The following PCBD2 variants were observed in gnomAD, a reference collection of about 807,000 sequenced individuals.
PCBD2 encodes the protein pterin-4 alpha-carbinolamine dehydratase 2, also known as pterin-4-alpha-carbinolamine dehydratase 2.
Under a neutral mutation model 16.4 loss-of-function variants are expected in PCBD2, and 12 were observed. The observed-to-expected ratio is 0.73, with a 90% CI of 0.47 to 1.19. The LOEUF (loss-of-function observed/expected upper bound fraction) is 1.19, where lower values mean the gene tolerates loss of function less well. Ranked by LOEUF, PCBD2 falls within the 50% of genes most tolerant of loss-of-function variation. The pLI, the probability that PCBD2 is intolerant of heterozygous loss-of-function variation, is 0.00. For synonymous variants in PCBD2, 58 were observed against 61.8 expected (o/e 0.94, Z 0.29); for missense variants, 138 against 156.8 (o/e 0.88, Z 0.64).
chr5:134,923,725 A>G lies in PCBD2; in HGVS notation c.216+13259A>G, dbSNP rs1750938975. On this transcript the variant is annotated intron_variant, in intron 2 of 3. Coordinates refer to ENST00000254908, the MANE Select transcript of PCBD2 (RefSeq NM_032151.5). ...ATGCCAATGTTTCAGGTTTCTAGGTAAAGAAATGAGCCGTAATATAGGCCT... is the reference window on the plus strand; with the variant it reads ...ATGCCAATGTTTCAGGTTTCTAGGTGAAGAAATGAGCCGTAATATAGGCCT... The G allele has an allele frequency of 7.7e-6, 3 of 388,696 alleles. No individual in the cohort carries two copies. In the South Asian group the frequency reaches 4.1e-4, roughly 53 times the overall value. The allele number at this position is 388,696 out of a possible 1,614,324, so 24.1% of individuals were successfully genotyped here. A position where few individuals can be genotyped will look rare whatever the true frequency, so the allele number is the denominator to read the frequency against.
At chr5:134,946,412 A>G (rs748707774) in intron 2 of PCBD2, among the ~76,000 whole-genome samples, 5 of 152,144 alleles carry the variant, frequency 3.3e-5, no homozygotes, top group African/African-American at 1.2e-4. Flanking sequence ...TTTTTCTTCC[A>G]TGGACACATT....
At chr5:134,955,453 A>G (rs916191626) in intron 2 of PCBD2, among the ~76,000 whole-genome samples, 1 of 151,648 alleles carries the variant, frequency 6.6e-6, no homozygotes, top group South Asian at 2.1e-4. Context: ...GACTACAGGC[A>G]CACGCCACCA....
chr5:134,958,093 T>C (rs1459005568), intron 2 of PCBD2, among the ~76,000 whole-genome samples: 1 of 152,188 alleles, frequency 6.6e-6, no homozygotes, highest in Admixed American at 6.5e-5. Flanking sequence ...TACGTGGGTG[T>C]AATGGGTATT....
chr5:134,907,981 G>A (rs1339304360), intron 1 of PCBD2, among the ~76,000 whole-genome samples: 1 of 150,122 alleles, frequency 6.7e-6, no homozygotes, highest in African/African-American at 2.5e-5. Flanking sequence ...GAATGCAGTG[G>A]TGATCATAGC....
intron 2 of PCBD2, among the ~76,000 whole-genome samples, chr5:134,935,863 G>A (rs999055656): frequency 2.0e-5 from 3 of 152,234 alleles, no homozygotes; most frequent in Non-Finnish European, 4.4e-5. Flanking sequence ...GGCAGCGTGC[G>A]TAGCCCTGAG....
At chr5:134,943,415 T>C (rs1338426981) in intron 2 of PCBD2, among the ~76,000 whole-genome samples, 1 of 152,192 alleles carries the variant, frequency 6.6e-6, no homozygotes, top group South Asian at 2.1e-4. Context: ...ATAATCACTT[T>C]TAAGGAAAAG....
chr5:134,911,014 C>T (rs1217596575), intron 2 of PCBD2, among the ~76,000 whole-genome samples: 1 of 152,218 alleles, frequency 6.6e-6, no homozygotes, highest in Non-Finnish European at 1.5e-5. Context: ...TCTCAAATTC[C>T]TGGCCTCAAG....
At chr5:134,915,446 T>TC (rs1369244359) in intron 2 of PCBD2, among the ~76,000 whole-genome samples, 2 of 141,562 alleles carry the variant, frequency 1.4e-5, no homozygotes, top group East Asian at 4.0e-4. Flanking sequence ...ATTTTTTTTT[T>TC]TTTTTTTTTT....
At chr5:134,949,658 A>G (rs977879482) in intron 2 of PCBD2, among the ~76,000 whole-genome samples, 6 of 152,238 alleles carry the variant, frequency 3.9e-5, no homozygotes, top group African/African-American at 1.4e-4. Context: ...TGTTGCCTAC[A>G]ATTAAAATCT....
chr5:134,926,165 A>T (rs1750992738), intron 2 of PCBD2: 1 of 320,478 alleles, frequency 3.1e-6, no homozygotes, highest in Admixed American at 4.9e-5. Flanking sequence ...TCTATGATGG[A>T]TCACGTAACG....
chr5:134,943,183 A>G (rs1330113299), intron 2 of PCBD2, among the ~76,000 whole-genome samples: 2 of 152,316 alleles, frequency 1.3e-5, no homozygotes, highest in South Asian at 2.1e-4. Context: ...TGACATTCAC[A>G]TTATAGCCCA....
rs1181495384 is a variant in PCBD2, at chr5:134,906,265, G to A, written c.84+1042G>A. On this transcript the variant is annotated intron_variant, in intron 1 of 3. Coordinates refer to ENST00000254908, the MANE Select transcript of PCBD2 (RefSeq NM_032151.5). The stretch of plus-strand genomic sequence containing the variant: ...GTCACCCAGGCTGGAGTGCAGTGGC[G>A]CGATCTCGGCGTATTGCAAGCTCCG... 3.6e-5 allele frequency among the ~76,000 whole-genome samples: 5 copies of A among 140,798 alleles called. No homozygotes were observed. The Admixed American group carries it at 3.7e-4, about 11-fold the overall frequency. 92.4% of individuals were successfully genotyped at this position (140,798 alleles called of 152,430 possible).
At chr5:134,910,512 C>T in intron 2 of PCBD2, 46 bp downstream of exon 2, 1 of 1,596,164 alleles carries the variant, frequency 6.3e-7, no homozygotes. Context: ...ATTTTAGTCA[C>T]CTTAGGCCAT....
chr5:134,909,967 G>A (rs1392777452), intron 1 of PCBD2, among the ~76,000 whole-genome samples: 3 of 152,220 alleles, frequency 2.0e-5, no homozygotes, highest in African/African-American at 7.2e-5. Context: ...CTACTTGGGA[G>A]GCTGAGGTGG....
chr5:134,925,744 C>T, intron 2 of PCBD2: 1 of 396,346 alleles, frequency 2.5e-6, no homozygotes. Flanking sequence ...AGGGGTGGGG[C>T]CTTCTATGGC....
chr5:134,905,473 A>G (rs1054972577), intron 1 of PCBD2: 1 of 355,590 alleles, frequency 2.8e-6, no homozygotes, highest in African/African-American at 2.1e-5. Context: ...GAACTTGCCA[A>G]CCGGAAACAA....
intron 2 of PCBD2, among the ~76,000 whole-genome samples, chr5:134,955,556 C>T (rs1019713465): frequency 6.6e-6 from 1 of 152,186 alleles, no homozygotes; most frequent in Non-Finnish European, 1.5e-5. Flanking sequence ...GATCTGCCTG[C>T]CTCTGCCTCC....
chr5:134,947,774 C>T lies in PCBD2; in HGVS notation c.217-11266C>T, dbSNP rs116118105. 6.6e-3 allele frequency among the ~76,000 whole-genome samples: 998 copies of T among 151,102 alleles called. 9 individuals carry two copies. The highest frequency in any genetic ancestry group is 0.023 in the African/African-American group (960 of 41,324). ...AGCACAAAGTTGAAGCCTATGAAGT[C>T]GTTTTTTTTTTATATAAAGTAGAAT... On this transcript the variant is annotated intron_variant, in intron 2 of 3. Transcript: ENST00000254908.
intron 2 of PCBD2, among the ~76,000 whole-genome samples, chr5:134,940,313 C>T (rs971507893): frequency 4.6e-5 from 7 of 152,242 alleles, no homozygotes; most frequent in African/African-American, 1.2e-4. Context: ...CCGTCCCTGC[C>T]GGCTCCAACC....
Sources: allele counts gnomAD v4.1 joint callset (sites outside exome capture counted in the v4.1 genomes callset), GRCh38; gene constraint gnomAD v4.1.1; transcripts MANE v1.5; gene names NCBI Gene and HGNC (gene_info 2026-07-23, HGNC 2026-07-21).